The following INPP4B variants were observed in gnomAD, a reference collection of about 807,000 sequenced individuals.
The protein encoded by INPP4B is inositol polyphosphate-4-phosphatase type II B, also known as inositol polyphosphate 4-phosphatase type II.
Under a neutral mutation model 122.5 loss-of-function variants are expected in INPP4B, and 55 were observed. The observed-to-expected ratio is 0.45, with a 90% CI of 0.36 to 0.56. The LOEUF is 0.56. INPP4B is among the 20% of genes least tolerant of loss of function. The pLI, the probability that INPP4B is intolerant of heterozygous loss-of-function variation, is 0.00. For synonymous variants in INPP4B, 403 were observed against 388.7 expected (o/e 1.04, Z -0.43); for missense variants, 1,000 against 1,097.7 (o/e 0.91, Z 1.26).
At chr4:142,302,952 A>T (rs999408404) in intron 9 of INPP4B, among the ~76,000 whole-genome samples, 3 of 152,160 alleles carry the variant, frequency 2.0e-5, no homozygotes, top group Non-Finnish European at 4.4e-5. Context: ...GCATTTAACT[A>T]AAGGTGACAT....
chr4:142,654,383 A>AAC (rs1209431245), intron 2 of INPP4B: 4 of 151,038 alleles, frequency 2.6e-5, no homozygotes, highest in Admixed American at 6.6e-5. Context: ...AAAAAAAAAA[A>AAC]AAAAAACATA....
chr4:142,819,926 G>A (rs1321360043), intron 1 of INPP4B, among the ~76,000 whole-genome samples: 3 of 151,918 alleles, frequency 2.0e-5, no homozygotes, highest in South Asian at 2.1e-4. Context: ...AATCTGCCTC[G>A]AGCCGAGGCT....
intron 2 of INPP4B, among the ~76,000 whole-genome samples, chr4:142,644,817 C>T (rs1387484700): frequency 1.5e-5 from 2 of 133,076 alleles, no homozygotes; most frequent in African/African-American, 2.8e-5. Context: ...CAGGGAGAAT[C>T]ACTTGAACCT....
At chr4:142,500,177 A>C (rs577654040) in intron 2 of INPP4B, among the ~76,000 whole-genome samples, 1 of 152,268 alleles carries the variant, frequency 6.6e-6, no homozygotes, top group Non-Finnish European at 1.5e-5. Flanking sequence ...AATTCTGAGG[A>C]ACTTCACTTA....
At chr4:142,767,074 G>T (rs1410218476) in intron 1 of INPP4B, among the ~76,000 whole-genome samples, 1 of 152,178 alleles carries the variant, frequency 6.6e-6, no homozygotes, top group Non-Finnish European at 1.5e-5. Context: ...TTTCCTCAAT[G>T]ATAATCTAAA....
At chr4:142,038,800 G>A (rs1560900781) in intron 25 of INPP4B, among the ~76,000 whole-genome samples, 2 of 152,210 alleles carry the variant, frequency 1.3e-5, no homozygotes, top group Admixed American at 1.3e-4. Flanking sequence ...AGTGTGTGAA[G>A]TAGGGAGAGA....
At chr4:142,136,175 G>C (rs2152808292) in intron 18 of INPP4B, among the ~76,000 whole-genome samples, 2 of 152,234 alleles carry the variant, frequency 1.3e-5, no homozygotes, top group African/African-American at 4.8e-5. Flanking sequence ...AAGGCAGTCA[G>C]CCTCACCCTG....
At chr4:142,749,907 C>T (rs1422050048) in intron 1 of INPP4B, among the ~76,000 whole-genome samples, 2 of 151,814 alleles carry the variant, frequency 1.3e-5, no homozygotes, top group Middle Eastern at 3.4e-3. Flanking sequence ...AAATCAGAGC[C>T]ACACAATAAT....
At chr4:142,507,536 C>G (rs1341626984) in intron 2 of INPP4B, among the ~76,000 whole-genome samples, 1 of 151,882 alleles carries the variant, frequency 6.6e-6, no homozygotes, top group South Asian at 2.1e-4. Flanking sequence ...AGATAAAGTT[C>G]CTACTACGTG....
chr4:142,793,249 G>A (rs983420388), intron 1 of INPP4B, among the ~76,000 whole-genome samples: 1 of 152,070 alleles, frequency 6.6e-6, no homozygotes, highest in Non-Finnish European at 1.5e-5. Context: ...CAATTAATAA[G>A]GAACAAGTCA....
At chr4:142,087,610 A>G (rs970123139) in intron 23 of INPP4B, among the ~76,000 whole-genome samples, 13 of 152,330 alleles carry the variant, frequency 8.5e-5, no homozygotes, top group Admixed American at 3.3e-4. Flanking sequence ...AATAAGATGG[A>G]CTACAACTAC....
At chr4:142,743,295 G>A (rs902492676) in intron 1 of INPP4B, among the ~76,000 whole-genome samples, 3 of 151,950 alleles carry the variant, frequency 2.0e-5, no homozygotes, top group African/African-American at 4.8e-5. Flanking sequence ...GCAAAGCAAA[G>A]GGGACTGCAG....
At chr4:142,642,898 G>C (rs1343922516) in intron 2 of INPP4B, among the ~76,000 whole-genome samples, 2 of 152,192 alleles carry the variant, frequency 1.3e-5, no homozygotes, top group East Asian at 3.9e-4. Context: ...TTCTATCCAT[G>C]AGCATGGAAT....
At chr4:142,559,240 T>C (rs146753021) in intron 2 of INPP4B, among the ~76,000 whole-genome samples, 171 of 152,326 alleles carry the variant, frequency 1.1e-3, no homozygotes, top group African/African-American at 3.7e-3. Context: ...GGTCATAAAA[T>C]GGCAGTGCAT....
At chr4:142,191,211 G>T (rs1835673445) in intron 15 of INPP4B, among the ~76,000 whole-genome samples, 1 of 152,152 alleles carries the variant, frequency 6.6e-6, no homozygotes, top group Admixed American at 6.5e-5. Flanking sequence ...CTTAAGCAAT[G>T]ATATTACAGT....
chr4:142,664,113 C>T (rs997656419), intron 2 of INPP4B, among the ~76,000 whole-genome samples: 2 of 152,094 alleles, frequency 1.3e-5, no homozygotes, highest in African/African-American at 4.8e-5. Context: ...ATCTACCTGG[C>T]CCACTTAACA....
At chr4:142,734,226 C>T (rs535870819) in intron 1 of INPP4B, among the ~76,000 whole-genome samples, 1 of 152,312 alleles carries the variant, frequency 6.6e-6, no homozygotes, top group East Asian at 1.9e-4. Context: ...CAGGAAGATA[C>T]TGTCTGCAAG....
rs983895313 is a variant in INPP4B at position 142,068,275 on chromosome 4, C to T, written c.2642+13756G>A. On this transcript the variant is annotated intron_variant, in intron 25 of 25. Coordinates refer to ENST00000262992, the MANE Select transcript of INPP4B (RefSeq NM_001101669.3). ...GAAATAAAATACTTTACAGACAAAACAATGCTGAGAGATTTTGTCACCACC... is the reference window on the plus strand; with the variant it reads ...GAAATAAAATACTTTACAGACAAAATAATGCTGAGAGATTTTGTCACCACC... 5.1e-4 allele frequency among the ~76,000 whole-genome samples: 78 copies of T among 152,042 alleles called. 1 individual carries two copies. The highest frequency in any genetic ancestry group is 2.9e-5 in the Non-Finnish European group (2 of 67,996).
At chr4:142,798,929 G>C (rs1183287945) in intron 1 of INPP4B, among the ~76,000 whole-genome samples, 7 of 151,682 alleles carry the variant, frequency 4.6e-5, no homozygotes, top group Non-Finnish European at 8.9e-5. Flanking sequence ...GAAATGGTGT[G>C]ATGGTTAAAG....
Sources: allele counts gnomAD v4.1 joint callset (sites outside exome capture counted in the v4.1 genomes callset), GRCh38; gene constraint gnomAD v4.1.1; transcripts MANE v1.5; gene names NCBI Gene and HGNC (gene_info 2026-07-23, HGNC 2026-07-21).